The following FNDC3B variants were observed in gnomAD, a reference collection of about 807,000 sequenced individuals.
FNDC3B encodes the protein fibronectin type III domain containing 3B, also known as fibronectin type III domain-containing protein 3B.
Under a neutral mutation model 151.5 loss-of-function variants are expected in FNDC3B, and 12 were observed. The observed-to-expected ratio is 0.08, with a 90% CI of 0.05 to 0.13. The LOEUF (loss-of-function observed/expected upper bound fraction) is 0.13. Ranked by LOEUF, FNDC3B falls within the 10% of genes least tolerant of loss-of-function variation. The pLI is 1.00. For missense variants in FNDC3B, 1,214 were observed against 1,505.3 expected (o/e 0.81, Z 3.20); for synonymous variants, 528 against 549.0 (o/e 0.96, Z 0.54).
intron 9 of FNDC3B, among the ~76,000 whole-genome samples, chr3:172,304,634 C>T (rs781394758): frequency 5.3e-5 from 8 of 152,150 alleles, no homozygotes; most frequent in Admixed American, 1.3e-4. Context: ...CAGTGGCTCA[C>T]GCCTGTAATC....
chr3:172,305,417 C>T (rs185382776), intron 9 of FNDC3B, among the ~76,000 whole-genome samples: 13 of 152,232 alleles, frequency 8.5e-5, no homozygotes, highest in Non-Finnish European at 1.6e-4. Context: ...ATTTGTTTGT[C>T]CTGTAGAGTC....
intron 6 of FNDC3B, among the ~76,000 whole-genome samples, chr3:172,262,710 C>T (rs1290820119): frequency 1.3e-5 from 2 of 151,092 alleles, no homozygotes; most frequent in Non-Finnish European, 2.9e-5. Flanking sequence ...CAAGACCAGC[C>T]TGGACAGCAT....
intron 5 of FNDC3B, among the ~76,000 whole-genome samples, chr3:172,250,974 G>A (rs566995976): frequency 3.9e-5 from 6 of 152,068 alleles, no homozygotes; most frequent in East Asian, 1.9e-4. Context: ...CTACCACCAC[G>A]CCTGGCTAAT....
chr3:172,097,240 GT>G (rs1441156197), intron 1 of FNDC3B, among the ~76,000 whole-genome samples: 2 of 152,280 alleles, frequency 1.3e-5, no homozygotes, highest in Non-Finnish European at 2.9e-5. Flanking sequence ...TTTTTTAGCT[GT>G]TTGGGTTGGT....
chr3:172,303,938 G>A (rs1169452558), intron 9 of FNDC3B, among the ~76,000 whole-genome samples: 4 of 152,184 alleles, frequency 2.6e-5, no homozygotes, highest in African/African-American at 4.8e-5. Context: ...ACATTGCCAT[G>A]CAAAATGGCT....
At chr3:172,257,865 A>C (rs897915112) in intron 6 of FNDC3B, among the ~76,000 whole-genome samples, 3 of 152,180 alleles carry the variant, frequency 2.0e-5, no homozygotes, top group Admixed American at 2.0e-4. Context: ...TCCAGGTAAT[A>C]ATAAGCCACA....
Position 172,330,614 on chromosome 3 carries a change from C to G in FNDC3B, c.1453C>G (p.Arg485Gly). 1.2e-6 allele frequency: 2 copies of G among 1,614,114 alleles called. No individual in the cohort carries two copies. The highest frequency in any genetic ancestry group is 1.7e-6 in the Non-Finnish European group (2 of 1,179,982). The change falls in exon 13 of 26, where the codon CGA becomes GGA. Residue 485 changes from arginine to glycine, a missense_variant. Physicochemically the swap from Arg to Gly is moderately radical, Grantham distance 125. Transcript: ENST00000415807. ...PQMPSAPRLV[R>G]AGITWVTLQW... Reference sequence around the variant, plus strand: ...GATGCCTTCTGCACCAAGGCTGGTTCGAGCTGGCATCACATGGGTCACGTT... The same window carrying G: ...GATGCCTTCTGCACCAAGGCTGGTTGGAGCTGGCATCACATGGGTCACGTT...
chr3:172,259,859 G>C (rs538921249), intron 6 of FNDC3B, among the ~76,000 whole-genome samples: 96 of 152,256 alleles, frequency 6.3e-4, no homozygotes, highest in Admixed American at 3.3e-4. Context: ...GTCATGTCAA[G>C]TTAAGAAGTC....
intron 2 of FNDC3B, among the ~76,000 whole-genome samples, chr3:172,117,810 C>T (rs947623759): frequency 4.6e-5 from 7 of 152,220 alleles, no homozygotes; most frequent in African/African-American, 1.7e-4. Context: ...TTCTTCTTCT[C>T]TCTTGCCTCT....
chr3:172,039,658 C>T lies in FNDC3B; in HGVS notation c.-142C>T, dbSNP rs1434320320. The T allele has an allele frequency of 2.4e-5, 4 of 165,312 alleles. No individual in the cohort carries two copies. The highest frequency in any genetic ancestry group is 6.5e-5 in the Admixed American group (1 of 15,390). 10.2% of individuals were successfully genotyped at this position (165,312 alleles called of 1,614,324 possible). ...GGCGGCGGCTGGAGGAGGAGAGCGG[C>T]GGCGGCGGGAGCAGCGAAGGGGGCG... On this transcript the variant is annotated 5_prime_UTR_variant, in exon 1 of 26. Coordinates refer to ENST00000415807, the MANE Select transcript of FNDC3B (RefSeq NM_022763.4).
At chr3:172,056,071 G>C (rs964643013) in intron 1 of FNDC3B, among the ~76,000 whole-genome samples, 1 of 152,134 alleles carries the variant, frequency 6.6e-6, no homozygotes, top group African/African-American at 2.4e-5. Context: ...GTGAGCCACT[G>C]CGCCCGGCCT....
intron 1 of FNDC3B, among the ~76,000 whole-genome samples, chr3:172,104,681 G>A (rs980229565): frequency 5.9e-5 from 9 of 152,136 alleles, no homozygotes; most frequent in Admixed American, 5.2e-4. Flanking sequence ...AGGCATTGGT[G>A]TAGTGTTACT....
At chr3:172,191,978 T>C (rs1724533492) in intron 3 of FNDC3B, among the ~76,000 whole-genome samples, 1 of 152,152 alleles carries the variant, frequency 6.6e-6, no homozygotes, top group African/African-American at 2.4e-5. Flanking sequence ...GTCGGGGTGG[T>C]ACATGTATGT....
In FNDC3B at chr3:172,290,883, T is replaced by A. The variant is rs377545699; in HGVS notation, c.850-4480T>A. On this transcript the variant is annotated intron_variant, in intron 7 of 25. Transcript: ENST00000415807. ...ATCCTTTAGAAGTGAAGCCAGTATT[T>A]GTGTGGTAATATTTCCTTAGTGTAC... is the stretch of plus-strand genomic sequence containing the variant. Among the ~76,000 whole-genome samples, 213 of 152,338 alleles carry A rather than the reference T, an allele frequency of 1.4e-3. 1 individual carries two copies. The highest frequency in any genetic ancestry group is 4.8e-3 in the African/African-American group (201 of 41,576).
chr3:172,065,755 A>G (rs1717466927), intron 1 of FNDC3B, among the ~76,000 whole-genome samples: 1 of 152,226 alleles, frequency 6.6e-6, no homozygotes, highest in Non-Finnish European at 1.5e-5. Flanking sequence ...TTTGTACTGA[A>G]GTCAGAAAGT....
At position 172,133,398 on chromosome 3, in the gene FNDC3B, A is replaced by C. The variant is rs747419375; in HGVS notation, c.112-73A>C. The C allele has an allele frequency of 1.3e-4, 146 of 1,159,798 alleles. 1 individual carries two copies. Among genetic ancestry groups the C allele is most frequent in the Non-Finnish European group, 1.8e-4 (139 of 783,070 alleles). The allele number at this position is 1,159,798 out of a possible 1,614,324, so 71.8% of individuals were successfully genotyped here. ...CCACATGCTTCCTGTCTAGTATATA[A>C]ATTTAGGTAATAACACTTAACAAAT... On this transcript the variant is annotated intron_variant, in intron 2 of 25. Transcript: ENST00000415807.
chr3:172,079,752 C>G (rs1718189143), intron 1 of FNDC3B, among the ~76,000 whole-genome samples: 1 of 152,144 alleles, frequency 6.6e-6, no homozygotes, highest in Non-Finnish European at 1.5e-5. Flanking sequence ...AGGGCTTCTC[C>G]TCATTTTACA....
chr3:172,329,617 G>A (rs1732534326), intron 12 of FNDC3B: 1 of 152,290 alleles, frequency 6.6e-6, no homozygotes, highest in African/African-American at 2.4e-5. Context: ...AAGAGGCTTT[G>A]AAAAGGCCAT....
At chr3:172,077,343 A>G (rs1274684490) in intron 1 of FNDC3B, among the ~76,000 whole-genome samples, 3 of 152,194 alleles carry the variant, frequency 2.0e-5, no homozygotes, top group African/African-American at 4.8e-5. Flanking sequence ...TATTTCTAAC[A>G]TGAGAAACTA....
Sources: allele counts gnomAD v4.1 joint callset (sites outside exome capture counted in the v4.1 genomes callset), GRCh38; gene constraint gnomAD v4.1.1; transcripts MANE v1.5; gene names NCBI Gene and HGNC (gene_info 2026-07-23, HGNC 2026-07-21).